CATSPERE: variants seen among roughly 807,000 people sequenced by gnomAD.
CATSPERE encodes cation channel sperm-associated auxiliary subunit epsilon.
In CATSPERE, 93 loss-of-function variants were observed where a neutral mutation model predicts 114.1. The observed-to-expected ratio is 0.81, with a 90% CI of 0.69 to 0.97. The LOEUF (loss-of-function observed/expected upper bound fraction) is 0.97, where lower values mean the gene tolerates loss of function less well. CATSPERE is among the 50% of genes least tolerant of loss of function. The probability of loss-of-function intolerance (pLI) is 0.00; values close to 1 mark genes in which losing one functional copy is unlikely to be tolerated. For synonymous variants in CATSPERE, 341 were observed against 384.1 expected (o/e 0.89, Z 1.31); for missense variants, 1,058 against 1,131.6 (o/e 0.93, Z 0.93).
At chr1:244,558,138 CT>C (rs34664118) in intron 9 of CATSPERE, among the ~76,000 whole-genome samples, 7,601 of 109,280 alleles carry the variant, frequency 0.07, 770 homozygotes, top group African/African-American at 0.26. Context: ...CTCTCTCTCT[CT>C]TTTTTTTTTT....
At chr1:244,522,352 T>C (rs1408507688) in intron 8 of CATSPERE, among the ~76,000 whole-genome samples, 1 of 152,160 alleles carries the variant, frequency 6.6e-6, no homozygotes, top group Admixed American at 6.5e-5. Flanking sequence ...GAGGGAAATT[T>C]ATAGCACTAA....
intron 17 of CATSPERE, among the ~76,000 whole-genome samples, chr1:244,604,081 G>A (rs1404011540): frequency 6.6e-6 from 1 of 152,228 alleles, no homozygotes; most frequent in African/African-American, 2.4e-5. Context: ...CCTAGAATTA[G>A]AGCTTTGCTA....
intron 20 of CATSPERE, among the ~76,000 whole-genome samples, chr1:244,621,559 G>A (rs1004485667): frequency 1.3e-5 from 2 of 151,306 alleles, no homozygotes; most frequent in African/African-American, 2.4e-5. Flanking sequence ...AAGGAAAAGC[G>A]CCAACCAACA....
chr1:244,473,138 G>A (rs2148125053), intron 2 of CATSPERE, among the ~76,000 whole-genome samples: 1 of 152,138 alleles, frequency 6.6e-6, no homozygotes, highest in African/African-American at 2.4e-5. Context: ...AAGTGCAATT[G>A]CTAGATATAT....
At chr1:244,482,436 A>G (rs1454757042) in intron 5 of CATSPERE, among the ~76,000 whole-genome samples, 1 of 151,924 alleles carries the variant, frequency 6.6e-6, no homozygotes, top group East Asian at 1.9e-4. Flanking sequence ...ACTTGTCTCT[A>G]CAAAAAACGT....
intron 20 of CATSPERE, among the ~76,000 whole-genome samples, chr1:244,626,964 A>G (rs1301667993): frequency 6.6e-6 from 1 of 152,226 alleles, no homozygotes; most frequent in Non-Finnish European, 1.5e-5. Flanking sequence ...CTGTCGGTGC[A>G]AGCCCAGCTT....
At chr1:244,520,636 C>A (rs1190754912) in intron 8 of CATSPERE, among the ~76,000 whole-genome samples, 1 of 151,982 alleles carries the variant, frequency 6.6e-6, no homozygotes, top group African/African-American at 2.4e-5. Flanking sequence ...AGCAGCCACT[C>A]AGGCACACGC....
At chr1:244,588,448 T>C (rs754460092) in intron 13 of CATSPERE, 34 bp from the exon 14 acceptor site, 1 of 1,529,420 alleles carries the variant, frequency 6.5e-7, no homozygotes, top group Non-Finnish European at 9.1e-7. Flanking sequence ...GAATCAGAAC[T>C]GCTGAACTCA....
rs749230894 is a variant in CATSPERE at position 244,572,730 on chromosome 1, G to A, written c.1908G>A (p.Glu636=). 6.2e-7 allele frequency: 1 copy of A among 1,610,322 alleles called. No homozygotes were observed. The highest frequency in any genetic ancestry group is 1.1e-5 in the South Asian group (1 of 89,778). The part of the protein sequence containing the change: ...YGPKILQESH[E]ISFEAAFGYC... Reference sequence around the variant, plus strand: ...CAAAAATATTACAAGAGAGTCATGAGATTTCCTTTGAAGCTGCCTTTGGAT... The same window carrying A: ...CAAAAATATTACAAGAGAGTCATGAAATTTCCTTTGAAGCTGCCTTTGGAT... Residue 636 remains glutamate (E), a synonymous_variant, in exon 11 of 22, where the codon GAG becomes GAA. Coordinates refer to ENST00000366534, the MANE Select transcript of CATSPERE (RefSeq NM_001130957.2).
chr1:244,635,038 T>TTTCA (rs1419615097), intron 20 of CATSPERE, among the ~76,000 whole-genome samples: 1 of 152,106 alleles, frequency 6.6e-6, no homozygotes, highest in Non-Finnish European at 1.5e-5. Flanking sequence ...AGAGAAGGGG[T>TTTCA]TTCACCATGT....
intron 7 of CATSPERE, among the ~76,000 whole-genome samples, chr1:244,512,362 T>C (rs772574863): frequency 6.6e-6 from 1 of 152,214 alleles, no homozygotes; most frequent in Non-Finnish European, 1.5e-5. Context: ...TGCATTGAAT[T>C]CTTCAGTTCC....
Position 244,517,688 on chromosome 1 carries a change from G to A in CATSPERE, c.430-904G>A, listed in dbSNP as rs550447879. Among the ~76,000 whole-genome samples, 9 of 151,562 alleles carry A rather than the reference G, an allele frequency of 5.9e-5. 1 individual carries two copies. The South Asian group carries it at 1.5e-3, about 25-fold the overall frequency. Reference sequence around the variant, plus strand: ...CTTGGGAGGCTGAAGTAGGAGAATCGCTTGAACCCAGGAGGTAGAGGTTGC... The same window carrying A: ...CTTGGGAGGCTGAAGTAGGAGAATCACTTGAACCCAGGAGGTAGAGGTTGC... On this transcript the variant is annotated intron_variant, in intron 7 of 21. Coordinates refer to ENST00000366534, the MANE Select transcript of CATSPERE (RefSeq NM_001130957.2).
In CATSPERE at chr1:244,477,949, G is replaced by C; in HGVS notation, c.232G>C (p.Ala78Pro). 6.2e-7 allele frequency: 1 copy of C among 1,607,918 alleles called. No individual in the cohort carries two copies. Among genetic ancestry groups the C allele is most frequent in the Non-Finnish European group, 8.5e-7 (1 of 1,175,302 alleles). ...GCGTTGTTCCTCACCTGGTGTTCAC[G>C]CTATAAAACCAATTGTTACTGGCCC... is the stretch of plus-strand genomic sequence containing the variant. ...ELRCSSPGVH[A>P]IKPIVTGPDE... The change falls in exon 4 of 22, where the codon GCT becomes CCT. Residue 78 changes from alanine to proline, a missense_variant. By Grantham distance (27) the Ala-to-Pro change is conservative. This residue lies in a region of CATSPERE where 271 missense variants were observed against 225.9 expected (regional missense o/e 1.20). Coordinates refer to ENST00000366534, the MANE Select transcript of CATSPERE (RefSeq NM_001130957.2).
At chr1:244,508,303 C>CT (rs1009692394) in intron 7 of CATSPERE, among the ~76,000 whole-genome samples, 3,062 of 133,136 alleles carry the variant, frequency 0.023, 54 homozygotes, top group Middle Eastern at 0.041. Flanking sequence ...TTTTTCTTTT[C>CT]TTTTTTTTTT....
At chr1:244,490,334 G>C in intron 5 of CATSPERE, 113 bp from the exon 6 acceptor site, 1 of 640,764 alleles carries the variant, frequency 1.6e-6, no homozygotes, top group Non-Finnish European at 2.6e-6. Context: ...ATACCGTAAT[G>C]AAATATAAAG....
At chr1:244,600,200 G>A (rs1290308537) in intron 17 of CATSPERE, among the ~76,000 whole-genome samples, 1 of 152,152 alleles carries the variant, frequency 6.6e-6, no homozygotes, top group Non-Finnish European at 1.5e-5. Flanking sequence ...AGCGAAGAGA[G>A]AACTGAAAGT....
intron 5 of CATSPERE, among the ~76,000 whole-genome samples, chr1:244,481,868 A>G (rs902501390): frequency 1.8e-4 from 27 of 152,212 alleles, no homozygotes; most frequent in Non-Finnish European, 3.7e-4. Flanking sequence ...GTTTGTTGTT[A>G]AAGCCACCCA....
At chr1:244,623,953 G>C (rs930502974) in intron 20 of CATSPERE, among the ~76,000 whole-genome samples, 3 of 151,852 alleles carry the variant, frequency 2.0e-5, no homozygotes, top group Non-Finnish European at 2.9e-5. Context: ...TGATGGCTGG[G>C]GTGGCTGTGG....
upstream of CATSPERE, chr1:244,451,930 G>GCCCCGC (rs1459773932): frequency 3.1e-4 from 358 of 1,156,510 alleles, 2 homozygotes; most frequent in South Asian, 5.6e-3. This position sits in a 1 kb window ranked among gnomAD's most constrained non-coding sequence, Gnocchi z 6.6. Context: ...CCAGAGGCCG[G>GCCCCGC]CCCCGCCCCC....
Sources: allele counts gnomAD v4.1 joint callset (sites outside exome capture counted in the v4.1 genomes callset), GRCh38; gene constraint gnomAD v4.1.1; regional missense constraint gnomAD v4.1.1; non-coding constraint Gnocchi (gnomAD v3.1); transcripts MANE v1.5; gene names NCBI Gene and HGNC (gene_info 2026-07-23, HGNC 2026-07-21).